The following DDX60 variants were observed in gnomAD, a reference collection of about 807,000 sequenced individuals.
DDX60 encodes probable ATP-dependent RNA helicase DDX60.
A neutral mutation model predicts 212.8 loss-of-function variants in DDX60; 165 were observed. The observed-to-expected ratio is 0.78, with a 90% CI of 0.68 to 0.88. DDX60 has a LOEUF of 0.88. DDX60 is among the 40% of genes least tolerant of loss of function. DDX60 has a pLI of 0.00. For synonymous variants in DDX60, 703 were observed against 685.3 expected (o/e 1.03, Z -0.40); for missense variants, 1,905 against 2,003.9 (o/e 0.95, Z 0.94).
At chr4:168,313,338 A>T (rs2149556440) in intron 1 of DDX60, among the ~76,000 whole-genome samples, 1 of 152,310 alleles carries the variant, frequency 6.6e-6, no homozygotes, top group African/African-American at 2.4e-5. Flanking sequence ...ACTACATGAC[A>T]AGTTTGAGAT....
At chr4:168,217,087 G>C in intron 37 of DDX60, 55 bp from the exon 38 acceptor site, 1 of 1,186,560 alleles carries the variant, frequency 8.4e-7, no homozygotes, top group Non-Finnish European at 1.2e-6. Flanking sequence ...AATATTATAA[G>C]AAAGGCTTTC....
Position 168,216,855 on chromosome 4 carries a change from A to G in DDX60, c.*78T>C. ...CACTTTATCATAATGTATTTCTGGC[A>G]AGAAGCATAAGAATCAAAAACGTGA... is the stretch of plus-strand genomic sequence containing the variant. On this transcript the variant is annotated 3_prime_UTR_variant, in exon 38 of 38. Transcript: ENST00000393743. 1.2e-6 allele frequency: 1 copy of G among 831,466 alleles called. No homozygotes were observed. Among genetic ancestry groups the G allele is most frequent in the East Asian group, 2.7e-5 (1 of 36,396 alleles). The allele number at this position is 831,466 out of a possible 1,614,324, so 51.5% of individuals were successfully genotyped here. A position where few individuals can be genotyped will look rare whatever the true frequency, so the allele number is the denominator to read the frequency against.
chr4:168,297,361 A>AGAAG (rs1736428972), intron 6 of DDX60, among the ~76,000 whole-genome samples: 3 of 60,328 alleles, frequency 5.0e-5, no homozygotes, highest in African/African-American at 3.7e-4. Flanking sequence ...AAAGAAAGAA[A>AGAAG]GAAAGAAAGA....
chr4:168,255,567 T>C, intron 26 of DDX60, 144 bp downstream of exon 26: 1 of 634,794 alleles, frequency 1.6e-6, no homozygotes, highest in Admixed American at 3.9e-5. Flanking sequence ...TATCCCATTC[T>C]CTCACCCAAA....
chr4:168,281,597 T>C (rs1387601349), intron 13 of DDX60, among the ~76,000 whole-genome samples: 2 of 152,216 alleles, frequency 1.3e-5, no homozygotes, highest in African/African-American at 4.8e-5. Flanking sequence ...CAATAAGCAC[T>C]TCCAATTAAC....
intron 5 of DDX60, among the ~76,000 whole-genome samples, chr4:168,302,717 A>G (rs1014503025): frequency 6.6e-6 from 1 of 152,160 alleles, no homozygotes; most frequent in African/African-American, 2.4e-5. Flanking sequence ...AAATTTATCA[A>G]CTTTGGAACC....
rs142535741 is a variant in DDX60 at position 168,273,355 on chromosome 4, G to T, written c.2498C>A (p.Thr833Lys). ...QVAATVQNRF[T>K]KNLPSGEVLC... Reference sequence around the variant, plus strand: ...AACTTCACCACTTGGCAGATTTTTCGTAAAACGATTCTGAACAGTTGCTGC... The same window carrying T: ...AACTTCACCACTTGGCAGATTTTTCTTAAAACGATTCTGAACAGTTGCTGC... Residue 833 changes from threonine (T) to lysine (K), a missense_variant, in exon 18 of 38, where the codon ACG (threonine) becomes AAG (lysine). By Grantham distance (78) the Thr-to-Lys change is moderately conservative. Transcript: ENST00000393743. The T allele has an allele frequency of 6.2e-7, 1 of 1,613,772 alleles. No individual in the cohort carries two copies. Among genetic ancestry groups the T allele is most frequent in the East Asian group, 2.2e-5 (1 of 44,820 alleles).
chr4:168,223,977 C>T (rs967148019), intron 35 of DDX60, among the ~76,000 whole-genome samples: 1 of 151,842 alleles, frequency 6.6e-6, no homozygotes, highest in African/African-American at 2.4e-5. Context: ...CACAGAAAAC[C>T]TGTGTCAATA....
At chr4:168,221,446 T>C (rs1733046881) in intron 36 of DDX60, among the ~76,000 whole-genome samples, 1 of 152,148 alleles carries the variant, frequency 6.6e-6, no homozygotes, top group South Asian at 2.1e-4. Context: ...AATACAAATA[T>C]ATCTATGAGC....
rs771879428 is a variant in DDX60 at position 168,267,878 on chromosome 4, G to A, written c.2892C>T (p.Asp964=). ...HVGRQAGFPK[D]YLQVKQSYKV... is the part of the protein sequence containing the mutation. ...TATACGATTGTTTTACTTGCAAGTA[G>A]TCTTTGGGAAAGCCGGCCTGACGAC... The change falls in exon 21 of 38, where the codon GAC becomes GAT. Residue 964 remains aspartate, a synonymous_variant. Coordinates refer to ENST00000393743, the MANE Select transcript of DDX60 (RefSeq NM_017631.6). 54 of 1,613,226 alleles carry A rather than the reference G, an allele frequency of 3.3e-5. No homozygotes were observed. The highest frequency in any genetic ancestry group is 4.0e-5 in the Non-Finnish European group (47 of 1,179,570).
chr4:168,251,222 A>C, intron 27 of DDX60, 116 bp from the exon 28 acceptor site: 2 of 893,412 alleles, frequency 2.2e-6, no homozygotes. Flanking sequence ...CAACTATTTG[A>C]AACTGACTCT....
At chr4:168,261,759 T>C (rs1160163203) in intron 24 of DDX60, among the ~76,000 whole-genome samples, 1 of 152,210 alleles carries the variant, frequency 6.6e-6, no homozygotes, top group Non-Finnish European at 1.5e-5. Context: ...TCTTATCTGC[T>C]ATGCCATTTA....
chr4:168,304,396 G>A (rs1560876856), intron 5 of DDX60, among the ~76,000 whole-genome samples: 1 of 152,024 alleles, frequency 6.6e-6, no homozygotes, highest in Non-Finnish European at 1.5e-5. Context: ...AAAGCTGACA[G>A]AATAATGATA....
At chr4:168,317,214 A>G (rs2149560460) in intron 1 of DDX60, among the ~76,000 whole-genome samples, 1 of 152,160 alleles carries the variant, frequency 6.6e-6, no homozygotes. Context: ...ACACACACAT[A>G]AACACACACC....
intron 16 of DDX60, among the ~76,000 whole-genome samples, chr4:168,274,386 C>A (rs1382027260): frequency 2.6e-5 from 4 of 152,130 alleles, no homozygotes; most frequent in Non-Finnish European, 4.4e-5. Flanking sequence ...AAGAAAGAGA[C>A]AATATGTATA....
At chr4:168,274,511 T>C (rs1424611030) in intron 16 of DDX60, among the ~76,000 whole-genome samples, 1 of 152,186 alleles carries the variant, frequency 6.6e-6, no homozygotes, top group African/African-American at 2.4e-5. Flanking sequence ...CTCCATCCCT[T>C]CAGCCGAAGA....
chr4:168,283,270 A>G (rs524722), intron 13 of DDX60, among the ~76,000 whole-genome samples, 176 bp downstream of exon 13: 1 of 151,882 alleles, frequency 6.6e-6, no homozygotes, highest in Admixed American at 6.6e-5. Flanking sequence ...CTTTTTTATG[A>G]AGGTTAGGCT....
chr4:168,323,936 G>A, the DDX60 span, among the ~76,000 whole-genome samples: 1 of 152,216 alleles, frequency 6.6e-6, no homozygotes, highest in African/African-American at 2.4e-5. Context: ...ATTCCATTGA[G>A]CTCTAGCACA....
At chr4:168,269,670 C>T (rs1371600140) in intron 19 of DDX60, among the ~76,000 whole-genome samples, 1 of 152,022 alleles carries the variant, frequency 6.6e-6, no homozygotes, top group African/African-American at 2.4e-5. Flanking sequence ...TAATATCTTC[C>T]CTTTGCATGT....
Sources: gnomAD v4.1 joint callset for allele counts (sites outside exome capture counted in the v4.1 genomes callset) on GRCh38, gnomAD v4.1.1 for gene constraint, MANE v1.5 for transcripts, NCBI Gene and HGNC (gene_info 2026-07-23, HGNC 2026-07-21) for gene names.